The following PAPPA2 variants were observed in gnomAD, a reference collection of about 807,000 sequenced individuals.
The protein encoded by PAPPA2 is pappalysin-2.
A neutral mutation model predicts 176.4 loss-of-function variants in PAPPA2; 86 were observed. That is an observed-to-expected ratio of 0.49 (90% CI 0.41 to 0.58). The LOEUF (loss-of-function observed/expected upper bound fraction) is 0.58, where lower values mean the gene tolerates loss of function less well. Among genes scored for constraint, PAPPA2 ranks in the 20% least tolerant of loss-of-function variants. PAPPA2 has a pLI of 0.00. For synonymous variants in PAPPA2, 809 were observed against 852.2 expected (o/e 0.95, Z 0.88); for missense variants, 2,073 against 2,256.9 (o/e 0.92, Z 1.65).
chr1:176,683,253 C>T (rs994665058), intron 4 of PAPPA2, among the ~76,000 whole-genome samples: 2 of 152,030 alleles, frequency 1.3e-5, no homozygotes, highest in Admixed American at 1.3e-4. Context: ...GACCACACAA[C>T]AATTCTCTTA....
Position 176,725,818 on chromosome 1 carries a change from T to C in PAPPA2, c.3799-13808T>C, listed in dbSNP as rs535684472. 2.0e-5 allele frequency among the ~76,000 whole-genome samples: 3 copies of C among 152,332 alleles called. No individual in the cohort carries two copies. In the East Asian group the frequency reaches 5.8e-4, roughly 29 times the overall value. On this transcript the variant is annotated intron_variant, in intron 12 of 22. Coordinates refer to ENST00000367662, the MANE Select transcript of PAPPA2 (RefSeq NM_020318.3). ...TTTTTTGAGACGGAGTCTCGCTCTG[T>C]CGCCCAGGCTGGAGTGCAGTGGCAC...
Position 176,789,485 on chromosome 1 carries a change from T to A in PAPPA2, c.4716-324T>A, listed in dbSNP as rs1353791256. On this transcript the variant is annotated intron_variant, in intron 17 of 22. Transcript: ENST00000367662. ...AGTTAATGGGTGCAGCACACCAGCATGGTACATGTATACCTATGTAACAAA... is the reference window on the plus strand; with the variant it reads ...AGTTAATGGGTGCAGCACACCAGCAAGGTACATGTATACCTATGTAACAAA... 2.0e-5 allele frequency among the ~76,000 whole-genome samples: 3 copies of A among 152,112 alleles called. No homozygotes were observed. In the East Asian group the frequency reaches 5.8e-4, roughly 29 times the overall value.
intron 3 of PAPPA2, among the ~76,000 whole-genome samples, chr1:176,652,480 G>A (rs1657783253): frequency 6.6e-6 from 1 of 151,616 alleles, no homozygotes; most frequent in South Asian, 2.1e-4. Context: ...TCCTAAAGGG[G>A]ATATACCAGT....
chr1:176,800,350 A>C (rs1665629132), intron 21 of PAPPA2, among the ~76,000 whole-genome samples: 1 of 152,178 alleles, frequency 6.6e-6, no homozygotes, highest in Non-Finnish European at 1.5e-5. Context: ...ATCCACTTTA[A>C]ATGACTTAAT....
At chr1:176,825,916 GAAAC>G (rs546096835) in intron 21 of PAPPA2, among the ~76,000 whole-genome samples, 149 of 152,246 alleles carry the variant, frequency 9.8e-4, no homozygotes, top group African/African-American at 3.3e-3. Context: ...TTTAGCTCAG[GAAAC>G]AAACAAACAA....
At position 176,769,595 on chromosome 1, in the gene PAPPA2, C is replaced by T. The variant is rs370719493; in HGVS notation, c.4324-12C>T. On this transcript the variant is annotated splice_polypyrimidine_tract_variant and intron_variant, in intron 15 of 22. Transcript: ENST00000367662. ...AATGTGACTTTGACAGAAGCAATTT[C>T]TCTGTTTCTAGAAGGAAATTCTGCT... is the stretch of plus-strand genomic sequence containing the variant. 122 of 1,612,176 alleles carry T rather than the reference C, an allele frequency of 7.6e-5. No homozygotes were observed. Among genetic ancestry groups the T allele is most frequent in the Non-Finnish European group, 1.0e-4 (118 of 1,179,042 alleles).
chr1:176,491,095 A>G (rs1647267632), intron 1 of PAPPA2, among the ~76,000 whole-genome samples: 1 of 152,224 alleles, frequency 6.6e-6, no homozygotes, highest in Admixed American at 6.5e-5. Context: ...ACCTTGTTGA[A>G]GACTGTAGCT....
intron 4 of PAPPA2, among the ~76,000 whole-genome samples, chr1:176,687,885 T>C (rs1659921365): frequency 6.6e-6 from 1 of 152,194 alleles, no homozygotes; most frequent in South Asian, 2.1e-4. Flanking sequence ...ACTCAATTGA[T>C]GAAGGACTTT....
chr1:176,549,719 C>T (rs1269964777), intron 1 of PAPPA2, among the ~76,000 whole-genome samples: 2 of 152,154 alleles, frequency 1.3e-5, no homozygotes, highest in African/African-American at 4.8e-5. Flanking sequence ...CAGAGCAGCA[C>T]CTAACCACCA....
At chr1:176,577,753 C>T (rs1014735678) in intron 2 of PAPPA2, among the ~76,000 whole-genome samples, 7 of 152,070 alleles carry the variant, frequency 4.6e-5, no homozygotes, top group Non-Finnish European at 8.8e-5. Flanking sequence ...GAAGGCTGCA[C>T]GTACATGTGT....
chr1:176,660,224 C>A (rs1269793990), intron 3 of PAPPA2, among the ~76,000 whole-genome samples: 2 of 152,014 alleles, frequency 1.3e-5, no homozygotes, highest in Non-Finnish European at 2.9e-5. Context: ...TATACATTTT[C>A]CCCCAGGAGA....
chr1:176,580,130 T>C (rs1652876620), intron 2 of PAPPA2, among the ~76,000 whole-genome samples: 1 of 152,186 alleles, frequency 6.6e-6, no homozygotes, highest in Non-Finnish European at 1.5e-5. Context: ...TGTAATTCTG[T>C]ATCCTTTAGC....
chr1:176,527,162 T>C (rs138331170), intron 1 of PAPPA2, among the ~76,000 whole-genome samples: 120 of 152,308 alleles, frequency 7.9e-4, no homozygotes, highest in African/African-American at 2.8e-3. Context: ...AGCAAAAGTT[T>C]AGCAGAGGTG....
At chr1:176,752,205 G>T (rs1356131291) in intron 14 of PAPPA2, among the ~76,000 whole-genome samples, 2 of 129,712 alleles carry the variant, frequency 1.5e-5, no homozygotes, top group East Asian at 2.4e-4. Context: ...GGTCGGGGGA[G>T]GGGGGAGGGA....
intron 1 of PAPPA2, among the ~76,000 whole-genome samples, chr1:176,539,328 T>A (rs1402907961): frequency 6.6e-6 from 1 of 152,126 alleles, no homozygotes; most frequent in Non-Finnish European, 1.5e-5. Flanking sequence ...TGAAGGCACA[T>A]GAAGTGAAGC....
chr1:176,710,321 G>A, intron 11 of PAPPA2, 145 bp downstream of exon 11: 1 of 710,260 alleles, frequency 1.4e-6, no homozygotes, highest in Non-Finnish European at 2.3e-6. Flanking sequence ...GGATCTGCCA[G>A]CATTGCTATT....
intron 15 of PAPPA2, among the ~76,000 whole-genome samples, chr1:176,766,158 A>C (rs1663954345): frequency 6.6e-6 from 1 of 152,202 alleles, no homozygotes; most frequent in Non-Finnish European, 1.5e-5. Context: ...ACTTGTCTGT[A>C]ATTTTCAGGA....
chr1:176,489,707 T>C (rs1652807429), intron 1 of PAPPA2, among the ~76,000 whole-genome samples: 1 of 152,174 alleles, frequency 6.6e-6, no homozygotes, highest in Non-Finnish European at 1.5e-5. Context: ...TTATTTTTAG[T>C]GCCAAGAAAT....
rs1649372907 is a variant in PAPPA2 at position 176,524,446 on chromosome 1, T to C, written c.-916-30961T>C. On this transcript the variant is annotated intron_variant, in intron 1 of 22. Transcript: ENST00000367662. ...CTTAAATTTTCAAAGAAAACAGCAT[T>C]ATAACAACTCAACACTACAAGGAAG... Among the ~76,000 whole-genome samples, 3 of 152,156 alleles carry C rather than the reference T, an allele frequency of 2.0e-5. No homozygotes were observed. In the South Asian group the frequency reaches 6.2e-4, roughly 32 times the overall value.
Sources: allele counts gnomAD v4.1 joint callset (sites outside exome capture counted in the v4.1 genomes callset), GRCh38; gene constraint gnomAD v4.1.1; transcripts MANE v1.5; gene names NCBI Gene and HGNC (gene_info 2026-07-23, HGNC 2026-07-21).